ANO3: variants seen among roughly 807,000 people sequenced by gnomAD.
The protein encoded by ANO3 is anoctamin 3, also known as anoctamin-3.
A neutral mutation model predicts 144.8 loss-of-function variants in ANO3; 99 were observed. The ratio of observed to expected loss-of-function variants is 0.68; its 90% CI spans 0.58 to 0.81. The LOEUF is 0.81. Among genes scored for constraint, ANO3 ranks in the 30% least tolerant of loss-of-function variants. ANO3 has a pLI of 0.00. For missense variants in ANO3, 905 were observed against 1,202.2 expected, an observed-to-expected ratio of 0.75 and a Z score of 3.66; for synonymous variants, 414 against 392.6, an observed-to-expected ratio of 1.05 and a Z score of -0.64.
intron 24 of ANO3, 46 bp downstream of exon 24, chr11:26,647,902 A>T (rs1446284729): frequency 5.1e-6 from 8 of 1,554,138 alleles, no homozygotes; most frequent in Non-Finnish European, 7.0e-6. Flanking sequence ...TTACATTTGT[A>T]ATTAAAATAG....
At chr11:26,506,637 T>C (rs536093786) in intron 4 of ANO3, among the ~76,000 whole-genome samples, 5 of 152,312 alleles carry the variant, frequency 3.3e-5, no homozygotes, top group African/African-American at 1.2e-4. Flanking sequence ...TTTTTATTCA[T>C]TGAAGAAAAG....
chr11:26,326,534 T>C (rs960593657), intron 1 of ANO3, among the ~76,000 whole-genome samples: 3 of 152,140 alleles, frequency 2.0e-5, no homozygotes, highest in Non-Finnish European at 2.9e-5. Context: ...TCATGCACAC[T>C]CAACGTTTGA....
intron 1 of ANO3, among the ~76,000 whole-genome samples, chr11:26,198,983 T>C (rs1851640654): frequency 6.6e-6 from 1 of 152,222 alleles, no homozygotes; most frequent in African/African-American, 2.4e-5. Flanking sequence ...AAGATGCATG[T>C]TCTAAAGTAG....
rs1304651169 is a variant in ANO3 at position 26,407,076 on chromosome 11, G to GTGTGTATA, written c.47-34841_47-34840insGTGTATAT. Among the ~76,000 whole-genome samples, 44 of 101,514 alleles carry GTGTGTATA rather than the reference G, an allele frequency of 4.3e-4. 1 individual carries two copies. Among genetic ancestry groups the GTGTGTATA allele is most frequent in the African/African-American group, 1.3e-3 (42 of 31,510 alleles). 66.6% of individuals were successfully genotyped at this position (101,514 alleles called of 152,430 possible). A position where few individuals can be genotyped will look rare whatever the true frequency, so the allele number is the denominator to read the frequency against. On this transcript the variant is annotated intron_variant, in intron 1 of 26. Transcript: ENST00000256737. ...TGTGTGTGTGTGTGTGTGTGTGTGT[G>GTGTGTATA]TATATATATATATATATGTATATAT...
intron 17 of ANO3, among the ~76,000 whole-genome samples, chr11:26,615,910 G>A (rs376876280): frequency 7.2e-5 from 11 of 152,050 alleles, no homozygotes; most frequent in South Asian, 4.1e-4. Flanking sequence ...TCTATTACCC[G>A]TTCATAAATA....
At chr11:26,637,229 A>G (rs976429927) in intron 20 of ANO3, among the ~76,000 whole-genome samples, 2 of 152,182 alleles carry the variant, frequency 1.3e-5, no homozygotes, top group African/African-American at 4.8e-5. Context: ...AAAATTATAA[A>G]TGGCCTGTCT....
chr11:26,370,359 C>G (rs377477247), intron 1 of ANO3, among the ~76,000 whole-genome samples: 3 of 152,084 alleles, frequency 2.0e-5, no homozygotes, highest in Admixed American at 2.0e-4. Flanking sequence ...TGAGGCCTCC[C>G]CAGCCATGCT....
intron 1 of ANO3, among the ~76,000 whole-genome samples, chr11:26,353,181 C>A (rs1393430489): frequency 6.6e-6 from 1 of 152,084 alleles, no homozygotes; most frequent in Non-Finnish European, 1.5e-5. Context: ...AACTGTGGTG[C>A]CACCCATTTT....
chr11:26,190,777 T>G (rs1307727826), intron 1 of ANO3, among the ~76,000 whole-genome samples: 2 of 152,202 alleles, frequency 1.3e-5, no homozygotes, highest in African/African-American at 2.4e-5. Flanking sequence ...TTTCCAGAGA[T>G]GCATACTATG....
At chr11:26,241,449 C>T (rs530671966) in intron 1 of ANO3, among the ~76,000 whole-genome samples, 2 of 152,172 alleles carry the variant, frequency 1.3e-5, no homozygotes, top group East Asian at 3.9e-4. Context: ...TCATAAAATT[C>T]TTACTTTCTT....
chr11:26,370,311 C>T (rs1410319512), intron 1 of ANO3, among the ~76,000 whole-genome samples: 4 of 152,148 alleles, frequency 2.6e-5, no homozygotes, highest in Non-Finnish European at 5.9e-5. Context: ...AAAAGAAGGA[C>T]GTGTTTGCTT....
intron 3 of ANO3, among the ~76,000 whole-genome samples, chr11:26,452,074 C>A (rs1343992229): frequency 1.3e-5 from 2 of 152,160 alleles, no homozygotes; most frequent in East Asian, 1.9e-4. Context: ...ACACCAAAAG[C>A]CCATCTGTAC....
intron 1 of ANO3, among the ~76,000 whole-genome samples, chr11:26,432,425 T>A (rs952947576): frequency 1.3e-5 from 2 of 152,196 alleles, no homozygotes; most frequent in African/African-American, 4.8e-5. Flanking sequence ...ATTTTCCAAT[T>A]TTTTGCTTTT....
chr11:26,237,549 T>G (rs946969968), intron 1 of ANO3, among the ~76,000 whole-genome samples: 2 of 151,910 alleles, frequency 1.3e-5, no homozygotes, highest in African/African-American at 4.8e-5. Flanking sequence ...TCTTAAAAAT[T>G]ATCATTTTAA....
At chr11:26,399,167 A>T (rs1381409288) in intron 1 of ANO3, among the ~76,000 whole-genome samples, 1 of 151,824 alleles carries the variant, frequency 6.6e-6, no homozygotes, top group Non-Finnish European at 1.5e-5. Context: ...TCGCTGTCTC[A>T]TAGCCCCATG....
At chr11:26,391,737 T>G (rs1488830327) in intron 1 of ANO3, among the ~76,000 whole-genome samples, 5 of 152,088 alleles carry the variant, frequency 3.3e-5, no homozygotes, top group Admixed American at 6.6e-5. Context: ...CTACTTGTGG[T>G]CCATCTTTGA....
At position 26,437,425 on chromosome 11, in the gene ANO3, C is replaced by T. The variant is rs144324515; in HGVS notation, c.47-4493C>T. ...GAGTGGGTCCCCAAGGTCACACATT[C>T]ACTCACTGCTTCCCTGAGAGTAGGA... On this transcript the variant is annotated intron_variant, in intron 1 of 26. Transcript: ENST00000256737. Among the ~76,000 whole-genome samples the T allele has an allele frequency of 6.6e-5, 10 of 152,326 alleles. No homozygotes were observed. In the East Asian group the frequency reaches 1.9e-3, roughly 29 times the overall value.
chr11:26,317,939 T>A (rs1232430690), intron 1 of ANO3, among the ~76,000 whole-genome samples: 2 of 152,148 alleles, frequency 1.3e-5, no homozygotes, highest in Non-Finnish European at 2.9e-5. Flanking sequence ...TAAAAAAGGA[T>A]GAGTTCATGT....
chr11:26,280,925 C>T (rs1421708472), intron 1 of ANO3, among the ~76,000 whole-genome samples: 1 of 152,146 alleles, frequency 6.6e-6, no homozygotes, highest in Admixed American at 6.5e-5. Flanking sequence ...GACATACATG[C>T]TCCTGGGAGC....
Sources: allele counts gnomAD v4.1 joint callset (sites outside exome capture counted in the v4.1 genomes callset), GRCh38; gene constraint gnomAD v4.1.1; transcripts MANE v1.5; gene names NCBI Gene and HGNC (gene_info 2026-07-23, HGNC 2026-07-21).